TBC1D19: variants seen among roughly 807,000 people sequenced by gnomAD.
The protein encoded by TBC1D19 is TBC1 domain family, member 19.
TBC1D19 carries 60 observed loss-of-function variants against 89.0 expected under a neutral mutation model. The observed-to-expected ratio is 0.67, with a 90% CI of 0.55 to 0.84. TBC1D19 has a LOEUF of 0.84. Ranked by LOEUF, TBC1D19 falls within the 40% of genes least tolerant of loss-of-function variation. The pLI is 0.00. For synonymous variants in TBC1D19, 189 were observed against 199.7 expected (o/e 0.95, Z 0.45); for missense variants, 500 against 610.8 (o/e 0.82, Z 1.91).
intron 7 of TBC1D19, among the ~76,000 whole-genome samples, chr4:26,645,041 G>T (rs1371195723): frequency 6.6e-6 from 1 of 152,036 alleles, no homozygotes; most frequent in Non-Finnish European, 1.5e-5. Flanking sequence ...CATGCTCATG[G>T]ATAGGAAGAA....
intron 6 of TBC1D19, among the ~76,000 whole-genome samples, chr4:26,639,934 C>T (rs559218693): frequency 6.6e-6 from 1 of 152,224 alleles, no homozygotes; most frequent in African/African-American, 2.4e-5. Flanking sequence ...CTCTTAATTT[C>T]TTCCAGAATA....
chr4:26,804,337 G>A, the TBC1D19 span, among the ~76,000 whole-genome samples: 1 of 152,242 alleles, frequency 6.6e-6, no homozygotes, highest in African/African-American at 2.4e-5. Flanking sequence ...GTAGAGACGG[G>A]GTTTCACCAC....
At chr4:26,802,493 T>G in the TBC1D19 span, among the ~76,000 whole-genome samples, 1 of 151,984 alleles carries the variant, frequency 6.6e-6, no homozygotes, top group Non-Finnish European at 1.5e-5. Context: ...TCCCAACTAC[T>G]TGAGAGTCTG....
chr4:26,717,323 G>A (rs528580395), intron 13 of TBC1D19, among the ~76,000 whole-genome samples: 1 of 152,040 alleles, frequency 6.6e-6, no homozygotes, highest in South Asian at 2.1e-4. Context: ...TTCCAGGCTG[G>A]TGTCCTCAAT....
chr4:26,581,290 G>T (rs1739058245), upstream of TBC1D19, among the ~76,000 whole-genome samples: 1 of 152,126 alleles, frequency 6.6e-6, no homozygotes, highest in African/African-American at 2.4e-5. Flanking sequence ...CATGTACCAT[G>T]GTGGTTTGCT....
chr4:26,857,247 A>C, the TBC1D19 span, among the ~76,000 whole-genome samples: 274 of 152,304 alleles, frequency 1.8e-3, no homozygotes, highest in African/African-American at 6.4e-3. Flanking sequence ...AGTTCTCAGC[A>C]CCTCGAGTCC....
intron 17 of TBC1D19, among the ~76,000 whole-genome samples, chr4:26,741,077 C>A (rs533257910): frequency 6.6e-6 from 1 of 152,110 alleles, no homozygotes; most frequent in Non-Finnish European, 1.5e-5. Context: ...TCTTTTCTGG[C>A]CGGGCGTGGT....
the TBC1D19 span, among the ~76,000 whole-genome samples, chr4:26,827,316 C>G: frequency 2.6e-5 from 4 of 152,206 alleles, no homozygotes; most frequent in South Asian, 8.3e-4. Context: ...TCAAAATCAT[C>G]AGGCATTGGC....
intron 16 of TBC1D19, 48 bp downstream of exon 16, chr4:26,735,535 T>A (rs1462411248): frequency 5.5e-6 from 8 of 1,441,756 alleles, no homozygotes; most frequent in African/African-American, 1.5e-5. Flanking sequence ...ACATACAATG[T>A]TATCTGTCAA....
intron 1 of TBC1D19, among the ~76,000 whole-genome samples, chr4:26,603,493 G>A (rs930575994): frequency 6.6e-6 from 1 of 152,088 alleles, no homozygotes; most frequent in Non-Finnish European, 1.5e-5. Flanking sequence ...TATCAAAGGA[G>A]AATATCCCCA....
chr4:26,583,160 T>C (rs1474694234), upstream of TBC1D19, among the ~76,000 whole-genome samples: 2 of 152,150 alleles, frequency 1.3e-5, no homozygotes, highest in African/African-American at 4.8e-5. Flanking sequence ...ATTTTGATTA[T>C]TTTTGTGAGG....
At chr4:26,699,835 G>T (rs1455911095) in intron 13 of TBC1D19, among the ~76,000 whole-genome samples, 4 of 151,008 alleles carry the variant, frequency 2.6e-5, no homozygotes, top group Admixed American at 2.6e-4. Flanking sequence ...GACACAGGAA[G>T]GGGAACTTCA....
intron 4 of TBC1D19, among the ~76,000 whole-genome samples, chr4:26,634,544 A>G (rs1187177907): frequency 6.6e-6 from 1 of 152,130 alleles, no homozygotes; most frequent in Non-Finnish European, 1.5e-5. Context: ...GTAATATAGT[A>G]TGTGCTACAG....
chr4:26,746,681 C>T (rs1718668177), intron 18 of TBC1D19, among the ~76,000 whole-genome samples: 1 of 151,942 alleles, frequency 6.6e-6, no homozygotes, highest in Non-Finnish European at 1.5e-5. Flanking sequence ...AGTACTGAGC[C>T]CTGTATATAC....
chr4:26,733,091 G>A (rs1717767200), intron 15 of TBC1D19, among the ~76,000 whole-genome samples: 1 of 152,194 alleles, frequency 6.6e-6, no homozygotes, highest in African/African-American at 2.4e-5. Flanking sequence ...GAAGACTAGA[G>A]AAAATGTCAA....
intron 13 of TBC1D19, among the ~76,000 whole-genome samples, chr4:26,714,163 T>A (rs1716398493): frequency 6.6e-6 from 1 of 152,214 alleles, no homozygotes; most frequent in Non-Finnish European, 1.5e-5. Context: ...CTGGGCAACA[T>A]AATTAGACCC....
At chr4:26,584,366 C>A in intron 1 of TBC1D19, 74 bp downstream of exon 1, 1 of 1,399,630 alleles carries the variant, frequency 7.1e-7, no homozygotes, top group Non-Finnish European at 9.9e-7. Flanking sequence ...CCTCCTCACC[C>A]AAGCCAGAGC....
intron 1 of TBC1D19, among the ~76,000 whole-genome samples, chr4:26,609,061 G>A (rs1377184554): frequency 1.0e-5 from 1 of 98,956 alleles, no homozygotes; most frequent in Non-Finnish European, 2.0e-5. Flanking sequence ...TGGGGTGGGG[G>A]GAGGGGGGAG....
At chr4:26,578,667 A>G (rs1739015907) in intron 1 of TBC1D19, among the ~76,000 whole-genome samples, 1 of 152,136 alleles carries the variant, frequency 6.6e-6, no homozygotes, top group Admixed American at 6.5e-5. Flanking sequence ...CAGAGAATTG[A>G]GGAGAAAATA....
Sources: allele counts gnomAD v4.1 joint callset (sites outside exome capture counted in the v4.1 genomes callset), GRCh38; gene constraint gnomAD v4.1.1; transcripts MANE v1.5; gene names NCBI Gene and HGNC (gene_info 2026-07-23, HGNC 2026-07-21).